Variants in ROBO1 observed in about 807,000 individuals in gnomAD.
The protein encoded by ROBO1 is roundabout guidance receptor 1, also known as roundabout homolog 1.
Under a neutral mutation model 195.9 loss-of-function variants are expected in ROBO1, and 149 were observed. That is an observed-to-expected ratio of 0.76 (90% confidence interval 0.67 to 0.87). The LOEUF (loss-of-function observed/expected upper bound fraction) is 0.87. Among genes scored for constraint, ROBO1 ranks in the 40% least tolerant of loss-of-function variants. The pLI, the probability that ROBO1 is intolerant of heterozygous loss-of-function variation, is 0.00. For missense variants in ROBO1, 1,933 were observed against 2,068.3 expected (o/e 0.93, Z 1.27); for synonymous variants, 816 against 733.2 (o/e 1.11, Z -1.82).
intron 2 of ROBO1, among the ~76,000 whole-genome samples, chr3:79,299,152 T>C (rs953101796): frequency 1.3e-5 from 2 of 152,198 alleles, no homozygotes; most frequent in African/African-American, 4.8e-5. Flanking sequence ...GTATTCTTTT[T>C]ATCATGAAAA....
chr3:78,820,954 T>TA (rs1275421894), intron 4 of ROBO1, among the ~76,000 whole-genome samples: 5 of 152,318 alleles, frequency 3.3e-5, no homozygotes, highest in African/African-American at 1.2e-4. Context: ...TTTCTTGATT[T>TA]AAAATGTTTC....
chr3:78,992,024 T>C (rs1200048027), intron 3 of ROBO1, among the ~76,000 whole-genome samples: 1 of 152,182 alleles, frequency 6.6e-6, no homozygotes, highest in African/African-American at 2.4e-5. Context: ...TTTTAAATTA[T>C]GGCTAAAATT....
chr3:79,571,106 A>G (rs1943263515), intron 2 of ROBO1, among the ~76,000 whole-genome samples: 2 of 152,064 alleles, frequency 1.3e-5, no homozygotes, highest in Non-Finnish European at 2.9e-5. Flanking sequence ...AATTCATGGT[A>G]TGTTTTAGGA....
rs547131522 is a variant in ROBO1, at chr3:79,732,971, C to G, written c.-51+34781G>C. ...AGACCTGTAACTATCCATTAAACGA[C>G]ATTATTTCCGAAACCCAAATTATCA... is the stretch of plus-strand genomic sequence containing the variant. On this transcript the variant is annotated intron_variant, in intron 1 of 30. Coordinates refer to ENST00000464233, the MANE Select transcript of ROBO1 (RefSeq NM_002941.4). Among the ~76,000 whole-genome samples the G allele has an allele frequency of 2.0e-5, 3 of 152,268 alleles. No homozygotes were observed. In the East Asian group the frequency reaches 5.8e-4, roughly 29 times the overall value.
intron 4 of ROBO1, among the ~76,000 whole-genome samples, chr3:78,780,314 A>T (rs1397191998): frequency 6.6e-6 from 1 of 152,216 alleles, no homozygotes. Context: ...CTACGTGTTA[A>T]AGCAGCATAT....
intron 3 of ROBO1, among the ~76,000 whole-genome samples, chr3:78,964,924 TC>T (rs898153504): frequency 2.0e-5 from 3 of 151,056 alleles, no homozygotes; most frequent in African/African-American, 7.3e-5. Context: ...GCTAAAGTGA[TC>T]CCCCCGTGCT....
At chr3:78,893,740 G>T (rs1168489658) in intron 4 of ROBO1, among the ~76,000 whole-genome samples, 1 of 151,278 alleles carries the variant, frequency 6.6e-6, no homozygotes, top group Admixed American at 6.6e-5. Flanking sequence ...GCTTTTTTTC[G>T]AATTTCATAA....
intron 2 of ROBO1, among the ~76,000 whole-genome samples, chr3:79,327,869 T>C (rs2034277055): frequency 6.6e-6 from 1 of 152,140 alleles, no homozygotes; most frequent in African/African-American, 2.4e-5. Context: ...ATAATGGAAA[T>C]AGCACGCCAC....
At chr3:78,669,548 G>A (rs1305019533) in intron 11 of ROBO1, among the ~76,000 whole-genome samples, 1 of 152,200 alleles carries the variant, frequency 6.6e-6, no homozygotes, top group Non-Finnish European at 1.5e-5. Context: ...GGGATATGAT[G>A]CCCTGTGAAA....
At chr3:78,983,826 G>T (rs1383674165) in intron 3 of ROBO1, among the ~76,000 whole-genome samples, 3 of 152,182 alleles carry the variant, frequency 2.0e-5, no homozygotes, top group Non-Finnish European at 4.4e-5. Flanking sequence ...AGGGCGACTG[G>T]AGTGGCAGGG....
intron 10 of ROBO1, among the ~76,000 whole-genome samples, chr3:78,682,064 G>T (rs1346787126): frequency 1.3e-5 from 2 of 152,052 alleles, no homozygotes; most frequent in Non-Finnish European, 2.9e-5. Flanking sequence ...TGATGTTTTA[G>T]CAAATTCCTC....
At chr3:79,642,977 G>C (rs1945710491) in intron 1 of ROBO1, among the ~76,000 whole-genome samples, 1 of 152,046 alleles carries the variant, frequency 6.6e-6, no homozygotes, top group African/African-American at 2.4e-5. Context: ...TATTGGTCCT[G>C]GGTTTGTCTG....
At chr3:78,714,069 T>C (rs555603585) in intron 8 of ROBO1, among the ~76,000 whole-genome samples, 6 of 152,288 alleles carry the variant, frequency 3.9e-5, no homozygotes, top group Admixed American at 3.3e-4. Context: ...GTCATTTAAT[T>C]AAAAGATTAG....
intron 8 of ROBO1, among the ~76,000 whole-genome samples, chr3:78,711,398 C>CTTTCTTTCTTTCTTT (rs1491176844): frequency 1.5e-4 from 6 of 39,954 alleles, no homozygotes; most frequent in African/African-American, 2.1e-4. Flanking sequence ...TTCCTTCCTT[C>CTTTCTTTCTTTCTTT]CTTTCTTTCT....
At chr3:79,199,646 G>A (rs76358795) in intron 2 of ROBO1, among the ~76,000 whole-genome samples, 14,144 of 151,404 alleles carry the variant, frequency 0.093, 1,157 homozygotes, top group African/African-American at 0.22. Context: ...CTTCCTGGAT[G>A]CCACAGTAGT....
intron 2 of ROBO1, among the ~76,000 whole-genome samples, chr3:79,363,419 A>T (rs537658265): frequency 6.6e-6 from 1 of 152,204 alleles, no homozygotes; most frequent in African/African-American, 2.4e-5. Context: ...ATTATTTTTC[A>T]TTTTCTTATT....
chr3:79,528,096 C>G (rs1294548412), intron 2 of ROBO1, among the ~76,000 whole-genome samples: 1 of 126,302 alleles, frequency 7.9e-6, no homozygotes, highest in Non-Finnish European at 1.7e-5. Flanking sequence ...CTTTTCATCA[C>G]CACATATGAA....
intron 2 of ROBO1, among the ~76,000 whole-genome samples, chr3:79,208,629 T>G (rs1006666651): frequency 2.0e-5 from 3 of 151,906 alleles, no homozygotes; most frequent in African/African-American, 7.3e-5. Flanking sequence ...AAAGTGAACA[T>G]GTAAGCAAGG....
intron 2 of ROBO1, among the ~76,000 whole-genome samples, chr3:79,273,756 CAAG>C (rs150185017): frequency 0.056 from 8,428 of 150,164 alleles, 326 homozygotes; most frequent in African/African-American, 0.11. Context: ...CTGTTATCAA[CAAG>C]AAGCACATTT....
Sources: gnomAD v4.1 joint callset for allele counts (sites outside exome capture counted in the v4.1 genomes callset) on GRCh38, gnomAD v4.1.1 for gene constraint, MANE v1.5 for transcripts, NCBI Gene and HGNC (gene_info 2026-07-23, HGNC 2026-07-21) for gene names.